NRP1: variants seen among roughly 807,000 people sequenced by gnomAD.
NRP1 encodes neuropilin-1.
In NRP1, 35 loss-of-function variants were observed where a neutral mutation model predicts 106.7. The observed-to-expected ratio is 0.33, with a 90% CI of 0.25 to 0.43. The LOEUF is 0.43. NRP1 is among the 20% of genes least tolerant of loss of function. The pLI, the probability that NRP1 is intolerant of heterozygous loss-of-function variation, is 1.00. For missense variants in NRP1, 1,024 were observed against 1,170.4 expected (o/e 0.87, Z 1.83); for synonymous variants, 437 against 417.9 (o/e 1.05, Z -0.56).
chr10:33,322,108 G>T (rs994359729), intron 2 of NRP1, among the ~76,000 whole-genome samples: 1 of 152,138 alleles, frequency 6.6e-6, no homozygotes. Context: ...ATTTACCTGA[G>T]ATTAAGTAGA....
chr10:33,225,601 C>T (rs118124557), intron 7 of NRP1, among the ~76,000 whole-genome samples: 1,674 of 152,282 alleles, frequency 0.011, 11 homozygotes, highest in Non-Finnish European at 0.019. Context: ...GAAAGCAGTA[C>T]GGAGGTAGTG....
chr10:33,302,160 C>T (rs913367678), intron 2 of NRP1, among the ~76,000 whole-genome samples: 4 of 152,314 alleles, frequency 2.6e-5, no homozygotes, highest in Admixed American at 2.6e-4. Flanking sequence ...AGGAGATGGG[C>T]TAATGGCTTT....
chr10:33,265,808 C>T (rs1842878721), intron 3 of NRP1, among the ~76,000 whole-genome samples: 3 of 152,186 alleles, frequency 2.0e-5, no homozygotes, highest in African/African-American at 7.2e-5. Flanking sequence ...GGCAATTCGC[C>T]AGGTCAGTTC....
chr10:33,264,700 G>T (rs1308631980), intron 3 of NRP1, among the ~76,000 whole-genome samples: 1 of 152,104 alleles, frequency 6.6e-6, no homozygotes, highest in East Asian at 1.9e-4. Context: ...CATTGAAATT[G>T]GTCAAGAGCA....
chr10:33,270,863 C>T lies in NRP1; in HGVS notation c.249-7G>A. The T allele has an allele frequency of 2.5e-6, 4 of 1,581,292 alleles. No individual in the cohort carries two copies. Among genetic ancestry groups the T allele is most frequent in the South Asian group, 1.2e-5 (1 of 85,232 alleles). On this transcript the variant is annotated splice_polypyrimidine_tract_variant and splice_region_variant and intron_variant, in intron 2 of 16. Coordinates refer to ENST00000374867, the MANE Select transcript of NRP1 (RefSeq NM_003873.7). ...GACTTCCACGTAGTCATACCTAATA[C>T]ACAAACATGGAAGAAAACATTAGGT...
intron 11 of NRP1, among the ~76,000 whole-genome samples, chr10:33,199,525 G>A (rs1366755199): frequency 6.7e-6 from 1 of 148,664 alleles, no homozygotes; most frequent in Non-Finnish European, 1.5e-5. Flanking sequence ...TTACAGGTGT[G>A]AGCCACCATG....
At chr10:33,270,612 C>A in intron 3 of NRP1, 63 bp downstream of exon 3, 1 of 1,417,990 alleles carries the variant, frequency 7.1e-7, no homozygotes, top group Non-Finnish European at 9.5e-7. Context: ...CAGGGGTGAG[C>A]CACCACACTC....
intron 6 of NRP1, among the ~76,000 whole-genome samples, chr10:33,238,939 G>A (rs892672751): frequency 4.1e-5 from 6 of 147,754 alleles, no homozygotes; most frequent in African/African-American, 1.5e-4. Context: ...GTGTATGTGT[G>A]CGCATAGTTT....
intron 2 of NRP1, among the ~76,000 whole-genome samples, chr10:33,285,756 C>A (rs575302359): frequency 6.6e-6 from 1 of 152,146 alleles, no homozygotes; most frequent in South Asian, 2.1e-4. Flanking sequence ...CTGCTTGAAC[C>A]CGGGAGGCTG....
chr10:33,221,504 TA>T (rs1325712742), intron 8 of NRP1, among the ~76,000 whole-genome samples: 1 of 152,198 alleles, frequency 6.6e-6, no homozygotes, highest in Non-Finnish European at 1.5e-5. Flanking sequence ...ACTAAGGCTT[TA>T]AAAGGTAAGT....
At chr10:33,267,666 A>G (rs966872228) in intron 3 of NRP1, among the ~76,000 whole-genome samples, 2 of 152,116 alleles carry the variant, frequency 1.3e-5, no homozygotes, top group African/African-American at 4.8e-5. Context: ...CTGAAGACCA[A>G]GGGAAGGATG....
intron 12 of NRP1, chr10:33,195,388 C>T: frequency 2.5e-6 from 1 of 395,030 alleles, no homozygotes; most frequent in South Asian, 2.0e-5. Flanking sequence ...CATTAACCAG[C>T]TTTTATGCAT....
intron 9 of NRP1, among the ~76,000 whole-genome samples, chr10:33,210,245 GA>G: frequency 6.6e-6 from 1 of 150,436 alleles, no homozygotes. Flanking sequence ...CACTTTTATA[GA>G]ACTGCAATTG....
chr10:33,201,217 G>T (rs779877253), intron 11 of NRP1: 2 of 152,052 alleles, frequency 1.3e-5, no homozygotes, highest in African/African-American at 2.4e-5. Flanking sequence ...TAACATACTC[G>T]CCCTATTTCA....
chr10:33,265,570 C>A (rs936086747), intron 3 of NRP1, among the ~76,000 whole-genome samples: 2 of 152,176 alleles, frequency 1.3e-5, no homozygotes, highest in Admixed American at 6.5e-5. Flanking sequence ...CATCTGGCAG[C>A]CTGTTGAGAA....
intron 7 of NRP1, among the ~76,000 whole-genome samples, chr10:33,222,966 C>G (rs1406858012): frequency 6.6e-6 from 1 of 152,204 alleles, no homozygotes; most frequent in Non-Finnish European, 1.5e-5. Flanking sequence ...TCTCTGAGGA[C>G]TAGAGAGTTT....
chr10:33,270,028 C>G (rs1366870197), intron 3 of NRP1, among the ~76,000 whole-genome samples: 3 of 152,092 alleles, frequency 2.0e-5, no homozygotes, highest in Admixed American at 6.6e-5. Flanking sequence ...GAAACCATCC[C>G]CCAAACCCTG....
intron 4 of NRP1, 84 bp from the exon 5 acceptor site, chr10:33,256,555 C>A: frequency 7.0e-7 from 1 of 1,433,278 alleles, no homozygotes; most frequent in Non-Finnish European, 9.7e-7. Context: ...AAGATGGGCC[C>A]CAGTAGAACC....
intron 2 of NRP1, among the ~76,000 whole-genome samples, chr10:33,291,771 G>A (rs1845010706): frequency 6.6e-6 from 1 of 152,176 alleles, no homozygotes; most frequent in Non-Finnish European, 1.5e-5. Context: ...AAATTTAGAA[G>A]AGTCATAGAC....
Sources: gnomAD v4.1 joint callset for allele counts (sites outside exome capture counted in the v4.1 genomes callset) on GRCh38, gnomAD v4.1.1 for gene constraint, MANE v1.5 for transcripts, NCBI Gene and HGNC (gene_info 2026-07-23, HGNC 2026-07-21) for gene names.